Variants in NDUFS4 observed in about 807,000 individuals in gnomAD.
The protein encoded by NDUFS4 is NADH:ubiquinone oxidoreductase subunit S4.
NDUFS4 carries 28 observed loss-of-function variants against 24.3 expected under a neutral mutation model. That is an observed-to-expected ratio of 1.15 (90% confidence interval 0.85 to 1.58). NDUFS4 has a LOEUF of 1.58. Among genes scored for constraint, NDUFS4 ranks in the 40% most tolerant of loss-of-function variants. The pLI is 0.00. For synonymous variants in NDUFS4, 93 were observed against 69.7 expected, an observed-to-expected ratio of 1.34 and a Z score of -1.67; for missense variants, 223 against 207.9, an observed-to-expected ratio of 1.07 and a Z score of -0.45.
intron 4 of NDUFS4, among the ~76,000 whole-genome samples, chr5:53,672,473 A>G (rs1057187750): frequency 2.0e-5 from 3 of 152,282 alleles, no homozygotes; most frequent in East Asian, 1.9e-4. Flanking sequence ...CAGAAATTAC[A>G]TGTGTATCAA....
At chr5:53,563,320 A>G (rs1561328097) in intron 1 of NDUFS4, among the ~76,000 whole-genome samples, 1 of 152,066 alleles carries the variant, frequency 6.6e-6, no homozygotes, top group East Asian at 1.9e-4. Context: ...ATCATCAGTG[A>G]AAAGCAAAAC....
At chr5:53,564,100 GT>G (rs1268776521) in intron 1 of NDUFS4, among the ~76,000 whole-genome samples, 17 of 152,182 alleles carry the variant, frequency 1.1e-4, no homozygotes, top group African/African-American at 3.6e-4. Context: ...TTTGGGACCT[GT>G]TTGTGAGGTC....
intron 1 of NDUFS4, chr5:53,573,876 G>T (rs1276326458): frequency 2.1e-5 from 4 of 187,546 alleles, no homozygotes; most frequent in Non-Finnish European, 4.5e-5. Context: ...ATAGACATGA[G>T]TTATTGCATC....
chr5:53,605,594 T>C (rs1750473047), intron 2 of NDUFS4, among the ~76,000 whole-genome samples: 1 of 152,184 alleles, frequency 6.6e-6, no homozygotes, highest in Non-Finnish European at 1.5e-5. Flanking sequence ...CCCAGCTTTG[T>C]TATACCTTTC....
intron 1 of NDUFS4, among the ~76,000 whole-genome samples, chr5:53,567,873 T>C (rs1749085937): frequency 6.6e-6 from 1 of 152,162 alleles, no homozygotes; most frequent in Non-Finnish European, 1.5e-5. Context: ...CTTTTAAGGT[T>C]AACGAATAAT....
intron 1 of NDUFS4, among the ~76,000 whole-genome samples, chr5:53,571,322 A>C (rs1749202883): frequency 6.6e-6 from 1 of 152,160 alleles, no homozygotes; most frequent in Non-Finnish European, 1.5e-5. Flanking sequence ...GGCTTGTTTC[A>C]GTTAGCATAA....
rs996275365 is a variant in NDUFS4 at position 53,591,465 on chromosome 5, G to T, written c.99-11987G>T. Among the ~76,000 whole-genome samples, 2 of 135,752 alleles carry T rather than the reference G, an allele frequency of 1.5e-5. 1 individual carries two copies. The allele number at this position is 135,752 out of a possible 152,430, so 89.1% of individuals were successfully genotyped here. A position where few individuals can be genotyped will look rare whatever the true frequency, so the allele number is the denominator to read the frequency against. Reference sequence around the variant, plus strand: ...CTACTTTTTGTTTGTTTTTTTTGGGGGGGGGGGGTGATAATAACTATCGTA... The same window carrying T: ...CTACTTTTTGTTTGTTTTTTTTGGGTGGGGGGGGTGATAATAACTATCGTA... On this transcript the variant is annotated intron_variant, in intron 1 of 4. Coordinates refer to ENST00000296684, the MANE Select transcript of NDUFS4 (RefSeq NM_002495.4).
chr5:53,677,749 A>G (rs994369283), intron 4 of NDUFS4, among the ~76,000 whole-genome samples: 1 of 152,158 alleles, frequency 6.6e-6, no homozygotes, highest in African/African-American at 2.4e-5. Context: ...TTCTGATCCC[A>G]TGCTTCAGTT....
intron 2 of NDUFS4, among the ~76,000 whole-genome samples, chr5:53,619,852 A>G (rs1270974108): frequency 6.6e-6 from 1 of 152,202 alleles, no homozygotes. Context: ...TGGCTGTACC[A>G]TAATACCTTA....
At position 53,647,913 on chromosome 5, in the gene NDUFS4, G is replaced by GT. The variant is rs1375442210; in HGVS notation, c.350+1515dup. On this transcript the variant is annotated intron_variant, in intron 3 of 4. Coordinates refer to ENST00000296684, the MANE Select transcript of NDUFS4 (RefSeq NM_002495.4). The stretch of plus-strand genomic sequence containing the variant: ...AATGATATATAGGCACAATTTCTTA[G>GT]TTTTTTTCTTATGTTGCAGTTTAAT... 3.3e-5 allele frequency among the ~76,000 whole-genome samples: 5 copies of GT among 152,104 alleles called. No homozygotes were observed. In the East Asian group the frequency reaches 7.7e-4, roughly 24 times the overall value.
chr5:53,663,797 C>T (rs1438394011), intron 4 of NDUFS4, among the ~76,000 whole-genome samples: 3 of 152,078 alleles, frequency 2.0e-5, no homozygotes, highest in Admixed American at 6.5e-5. Flanking sequence ...GTTTGCCAGT[C>T]TGTATCTTTT....
At chr5:53,573,650 G>T in intron 1 of NDUFS4, 1 of 443,762 alleles carries the variant, frequency 2.3e-6, no homozygotes, top group Non-Finnish European at 4.5e-6. Context: ...GTGCAGTGGT[G>T]CAATCATAGC....
intron 1 of NDUFS4, among the ~76,000 whole-genome samples, chr5:53,564,830 G>A (rs1426558067): frequency 1.3e-5 from 2 of 152,072 alleles, no homozygotes; most frequent in South Asian, 2.1e-4. Context: ...GTATCCAGCC[G>A]GAAAATTAAA....
chr5:53,599,142 T>A (rs2112451884), intron 1 of NDUFS4, among the ~76,000 whole-genome samples: 1 of 152,296 alleles, frequency 6.6e-6, no homozygotes, highest in Admixed American at 6.5e-5. Flanking sequence ...GAGAACACTG[T>A]TTTACTGGGT....
rs373778861 is a variant in NDUFS4 at position 53,680,761 on chromosome 5, G to A, written c.425-2357G>A. On this transcript the variant is annotated intron_variant, in intron 4 of 4. Coordinates refer to ENST00000296684, the MANE Select transcript of NDUFS4 (RefSeq NM_002495.4). Reference sequence around the variant, plus strand: ...CCTAATACTAAATGATGAGTTAATGGGCGCAGCACACCAGCATGGCACATG... The same window carrying A: ...CCTAATACTAAATGATGAGTTAATGAGCGCAGCACACCAGCATGGCACATG... Among the ~76,000 whole-genome samples the A allele has an allele frequency of 9.2e-5, 14 of 152,162 alleles. No homozygotes were observed. In the East Asian group the frequency reaches 2.7e-3, roughly 29 times the overall value.
chr5:53,599,130 C>T (rs889298886), intron 1 of NDUFS4, among the ~76,000 whole-genome samples: 9 of 152,124 alleles, frequency 5.9e-5, no homozygotes, highest in African/African-American at 2.2e-4. Flanking sequence ...ACACTTACTA[C>T]TGAGAACACT....
intron 1 of NDUFS4, among the ~76,000 whole-genome samples, chr5:53,582,220 T>TAAAATA (rs1749589099): frequency 3.8e-5 from 5 of 130,972 alleles, no homozygotes; most frequent in African/African-American, 1.4e-4. Flanking sequence ...CAAAATAAAA[T>TAAAATA]AAAATAAAAT....
At chr5:53,596,171 C>G (rs1341923909) in intron 1 of NDUFS4, among the ~76,000 whole-genome samples, 31 of 152,004 alleles carry the variant, frequency 2.0e-4, no homozygotes, top group Admixed American at 2.0e-3. Flanking sequence ...TGTCTCACAT[C>G]TGTTATCCCA....
At chr5:53,581,838 T>A (rs147570072) in intron 1 of NDUFS4, among the ~76,000 whole-genome samples, 107 of 152,276 alleles carry the variant, frequency 7.0e-4, no homozygotes, top group African/African-American at 2.4e-3. Context: ...GTAGGCTAAT[T>A]GATATAAAAC....
Sources: gnomAD v4.1 joint callset for allele counts (sites outside exome capture counted in the v4.1 genomes callset) on GRCh38, gnomAD v4.1.1 for gene constraint, MANE v1.5 for transcripts, NCBI Gene and HGNC (gene_info 2026-07-23, HGNC 2026-07-21) for gene names.